Variants in PVT1 observed in about 807,000 individuals in gnomAD.
PVT1 encodes the protein CXCR4/PVT1 fusion.
chr8:127,854,366 G>A (rs1199886947), intron 2 of PVT1, among the ~76,000 whole-genome samples: 2 of 152,176 alleles, frequency 1.3e-5, no homozygotes, highest in African/African-American at 4.8e-5. Context: ...GCGCTGGGCC[G>A]CTGAGTCATC....
chr8:128,011,522 C>T (rs936875722), intron 4 of PVT1, among the ~76,000 whole-genome samples: 4 of 152,172 alleles, frequency 2.6e-5, no homozygotes, highest in African/African-American at 4.8e-5. Context: ...AGAGGGCCCT[C>T]ATCAGAACAG....
intron 3 of PVT1, among the ~76,000 whole-genome samples, chr8:127,979,616 T>C (rs1241171320): frequency 6.6e-6 from 1 of 152,178 alleles, no homozygotes; most frequent in Non-Finnish European, 1.5e-5. Flanking sequence ...GCTGTAACAA[T>C]GTCCCAACAA....
intron 4 of PVT1, among the ~76,000 whole-genome samples, chr8:128,045,269 A>G (rs1813597428): frequency 6.6e-6 from 1 of 151,136 alleles, no homozygotes; most frequent in African/African-American, 2.4e-5. Flanking sequence ...CTACTCCTTG[A>G]CTCCTCCCTT....
At chr8:128,041,621 G>GTA (rs1554606561) in intron 4 of PVT1, among the ~76,000 whole-genome samples, 1 of 147,404 alleles carries the variant, frequency 6.8e-6, no homozygotes, top group Admixed American at 6.8e-5. Context: ...GTGTGTGTGT[G>GTA]TGTGTTGTGT....
intron 4 of PVT1, among the ~76,000 whole-genome samples, chr8:128,058,175 C>T (rs945282051): frequency 1.3e-5 from 2 of 152,164 alleles, no homozygotes; most frequent in Non-Finnish European, 2.9e-5. Flanking sequence ...CAGTTCCTAG[C>T]TTGTGATGGA....
At position 127,992,925 on chromosome 8, in the gene PVT1, G is replaced by T. The variant is rs184593285; in HGVS notation, n.912+3634G>T. On this transcript the variant is annotated intron_variant and non_coding_transcript_variant, in intron 4 of 10. Transcript: ENST00000651587. ...TGTCAAGGGATACAAGCCAGCACCG[G>T]TCTTTCGCCACAAGGTATGTGTGTA... Among the ~76,000 whole-genome samples the T allele has an allele frequency of 1.8e-3, 268 of 152,306 alleles. 1 individual carries two copies. Among genetic ancestry groups the T allele is most frequent in the Non-Finnish European group, 2.9e-3 (196 of 68,032 alleles).
chr8:127,954,547 C>G (rs184190773), intron 3 of PVT1, among the ~76,000 whole-genome samples: 5 of 152,294 alleles, frequency 3.3e-5, no homozygotes, highest in Non-Finnish European at 1.5e-5. Flanking sequence ...CCCGCCTCGG[C>G]CTCCCAACGT....
chr8:128,010,621 C>G (rs1381959144), intron 4 of PVT1: 2 of 152,194 alleles, frequency 1.3e-5, no homozygotes, highest in East Asian at 1.9e-4. Context: ...TCATGGCTTT[C>G]TTTAATAGCA....
At chr8:127,822,738 G>A (rs866368582) in intron 2 of PVT1, among the ~76,000 whole-genome samples, 1 of 152,232 alleles carries the variant, frequency 6.6e-6, no homozygotes, top group African/African-American at 2.4e-5. Context: ...GAAGGACATT[G>A]TGGGCGGGAG....
intron 4 of PVT1, among the ~76,000 whole-genome samples, chr8:127,997,284 G>A (rs1328205556): frequency 6.6e-6 from 1 of 151,798 alleles, no homozygotes; most frequent in Admixed American, 6.6e-5. Flanking sequence ...CAGGTGATCC[G>A]TCTGCCTCAG....
intron 4 of PVT1, among the ~76,000 whole-genome samples, chr8:127,991,890 C>G (rs1375102998): frequency 6.6e-6 from 1 of 152,132 alleles, no homozygotes; most frequent in East Asian, 1.9e-4. Context: ...GGCTGGGACG[C>G]ACACCAATAG....
chr8:127,985,073 G>A (rs1228029353), intron 3 of PVT1, among the ~76,000 whole-genome samples: 9 of 131,580 alleles, frequency 6.8e-5, no homozygotes, highest in East Asian at 2.3e-4. Context: ...TCACTCTGTC[G>A]CCGAGGCTGG....
rs116071373 is a variant in PVT1 at position 127,881,832 on chromosome 8, C to T, written n.373-8757C>T. Reference sequence around the variant, plus strand: ...GGCTCACTGCAACCTCCACTGACTTCCTGGACTCAAGGAATCCTCTTACCT... The same window carrying T: ...GGCTCACTGCAACCTCCACTGACTTTCTGGACTCAAGGAATCCTCTTACCT... On this transcript the variant is annotated intron_variant and non_coding_transcript_variant, in intron 2 of 10. Transcript: ENST00000651587. 2.3e-3 allele frequency among the ~76,000 whole-genome samples: 344 copies of T among 152,062 alleles called. 1 individual carries two copies. Among genetic ancestry groups the T allele is most frequent in the African/African-American group, 8.1e-3 (334 of 41,456 alleles).
intron 3 of PVT1, chr8:127,948,844 AT>A (rs1408320011): frequency 6.6e-6 from 1 of 152,186 alleles, no homozygotes; most frequent in Non-Finnish European, 1.5e-5. Flanking sequence ...GCCTGTGAAA[AT>A]TTGTTGTAGC....
At chr8:127,946,877 C>CTCCCT (rs1231407106) in intron 3 of PVT1, 1 of 152,890 alleles carries the variant, frequency 6.5e-6, no homozygotes, top group Non-Finnish European at 1.5e-5. Flanking sequence ...TCCCTCCCTC[C>CTCCCT]TCCCTTCCCT....
chr8:128,072,276 A>G (rs923562083), intron 5 of PVT1, among the ~76,000 whole-genome samples: 1 of 152,212 alleles, frequency 6.6e-6, no homozygotes, highest in African/African-American at 2.4e-5. Flanking sequence ...CTTCTAACAC[A>G]TGACTGGATC....
intron 3 of PVT1, among the ~76,000 whole-genome samples, chr8:127,978,322 T>TA (rs55971128): frequency 0.098 from 14,877 of 151,562 alleles, 954 homozygotes; most frequent in South Asian, 0.23. Context: ...CTGGCTAATT[T>TA]AAAAAAAAAT....
chr8:127,945,118 A>T (rs1278249203), intron 3 of PVT1, among the ~76,000 whole-genome samples: 1 of 152,188 alleles, frequency 6.6e-6, no homozygotes, highest in Non-Finnish European at 1.5e-5. Context: ...AACAATGAAC[A>T]GTGGCCGAGT....
chr8:128,061,225 T>C (rs1813826974), intron 4 of PVT1, among the ~76,000 whole-genome samples: 1 of 152,218 alleles, frequency 6.6e-6, no homozygotes, highest in South Asian at 2.1e-4. Context: ...TCGCCTATTG[T>C]AGACGTTTCA....
Sources: allele counts gnomAD v4.1 joint callset (sites outside exome capture counted in the v4.1 genomes callset), GRCh38; gene constraint gnomAD v4.1.1; transcripts MANE v1.5; gene names NCBI Gene and HGNC (gene_info 2026-07-23, HGNC 2026-07-21).